ANO6: variants seen among roughly 807,000 people sequenced by gnomAD.
ANO6 encodes anoctamin 6, also known as anoctamin-6.
Under a neutral mutation model 117.5 loss-of-function variants are expected in ANO6, and 106 were observed. That is an observed-to-expected ratio of 0.90 (90% CI 0.77 to 1.06). ANO6 has a LOEUF of 1.06. Among genes scored for constraint, ANO6 ranks in the 50% least tolerant of loss-of-function variants. ANO6 has a pLI of 0.00. For synonymous variants in ANO6, 367 were observed against 385.1 expected, an observed-to-expected ratio of 0.95 and a Z score of 0.55; for missense variants, 955 against 1,121.1, an observed-to-expected ratio of 0.85 and a Z score of 2.12.
intron 1 of ANO6, among the ~76,000 whole-genome samples, chr12:45,229,642 C>T (rs960096175): frequency 4.6e-5 from 7 of 152,128 alleles, no homozygotes; most frequent in Admixed American, 3.3e-4. Context: ...CCTGCCTTGG[C>T]CTCCCAAAGT....
At chr12:45,219,115 T>G (rs1947358386) in intron 1 of ANO6, among the ~76,000 whole-genome samples, 1 of 152,048 alleles carries the variant, frequency 6.6e-6, no homozygotes, top group Non-Finnish European at 1.5e-5. Context: ...TTAGAATTAT[T>G]TTGACACGAG....
At position 45,374,630 on chromosome 12, in the gene ANO6, A is replaced by G. The variant is rs1255208929; in HGVS notation, c.1105-3423A>G. On this transcript the variant is annotated intron_variant, in intron 9 of 19. Transcript: ENST00000320560. ...CATGATTATCTCAATAGATGCAGAA[A>G]AGGCCTTTGACAAAATTCAACAACC... is the stretch of plus-strand genomic sequence containing the variant. 1.2e-4 allele frequency among the ~76,000 whole-genome samples: 15 copies of G among 124,648 alleles called. No homozygotes were observed. The East Asian group carries it at 3.5e-3, about 29-fold the overall frequency. 81.8% of individuals were successfully genotyped at this position (124,648 alleles called of 152,430 possible).
At chr12:45,228,314 T>TA in intron 1 of ANO6, 2 of 306,124 alleles carry the variant, frequency 6.5e-6, no homozygotes, top group African/African-American at 2.5e-5. Context: ...TTTTTTTTTT[T>TA]TTTATTATTA....
At chr12:45,322,432 A>G (rs955519018) in intron 2 of ANO6, among the ~76,000 whole-genome samples, 5 of 152,276 alleles carry the variant, frequency 3.3e-5, no homozygotes, top group African/African-American at 1.2e-4. Context: ...ATGGGGAGTA[A>G]TGGTTTATAA....
At chr12:45,251,102 A>G (rs1947895478) in intron 1 of ANO6, among the ~76,000 whole-genome samples, 1 of 151,910 alleles carries the variant, frequency 6.6e-6, no homozygotes, top group African/African-American at 2.4e-5. Context: ...AAAAACCCAA[A>G]ATAGTGAAAG....
chr12:45,270,535 C>CA (rs772504945), intron 1 of ANO6: 2 of 995,340 alleles, frequency 2.0e-6, no homozygotes, highest in Non-Finnish European at 2.9e-6. Context: ...GTAAGATCCC[C>CA]TTCCTTTGTA....
At chr12:45,326,807 C>G (rs890897367) in intron 2 of ANO6, among the ~76,000 whole-genome samples, 1 of 152,166 alleles carries the variant, frequency 6.6e-6, no homozygotes, top group African/African-American at 2.4e-5. Flanking sequence ...AAATGGATAC[C>G]AGGGTTCACA....
At chr12:45,331,184 G>A in intron 2 of ANO6, 111 bp from the exon 3 acceptor site, 1 of 916,464 alleles carries the variant, frequency 1.1e-6, no homozygotes, top group Non-Finnish European at 1.7e-6. Flanking sequence ...AACTAGTAGT[G>A]GATGTATTTC....
chr12:45,260,253 G>A (rs1276683368), intron 1 of ANO6, among the ~76,000 whole-genome samples: 2 of 152,220 alleles, frequency 1.3e-5, no homozygotes, highest in Admixed American at 6.5e-5. Context: ...AACAGCTGAA[G>A]ATTTCCATTA....
chr12:45,290,788 G>A (rs1433007591), intron 1 of ANO6, among the ~76,000 whole-genome samples: 2 of 152,088 alleles, frequency 1.3e-5, no homozygotes, highest in Admixed American at 6.5e-5. Flanking sequence ...AAATGAAAAA[G>A]CAGATCCACA....
intron 10 of ANO6, among the ~76,000 whole-genome samples, chr12:45,384,689 C>CAATT (rs1942250678): frequency 6.6e-6 from 1 of 152,098 alleles, no homozygotes; most frequent in Admixed American, 6.5e-5. Context: ...TGCCCCAAAA[C>CAATT]AATTACAATA....
rs57682251 is a variant in ANO6, at chr12:45,266,805, AGTGTGTGT to A, written c.71-35178_71-35171del. ...GAACAAGACCCTGTCTCAAAAAACA[AGTGTGTGT>A]GTGTGTGTGTGTGTGTGTGTGTGTG... On this transcript the variant is annotated intron_variant, in intron 1 of 19. Transcript: ENST00000320560. Among the ~76,000 whole-genome samples, 437 of 145,758 alleles carry A rather than the reference AGTGTGTGT, an allele frequency of 3.0e-3. 2 individuals carry two copies. The highest frequency in any genetic ancestry group is 0.014 in the East Asian group (71 of 4,910).
In ANO6 at chr12:45,348,098, T is replaced by C. The variant is rs201883819; in HGVS notation, c.416T>C (p.Ile139Thr). 1.7e-4 allele frequency: 274 copies of C among 1,613,966 alleles called. No individual in the cohort carries two copies. Among genetic ancestry groups the C allele is most frequent in the Non-Finnish European group, 2.3e-4 (267 of 1,179,956 alleles). ...GAGGTGTTATGTACGTATGCTGAGA[T>C]AATGCACATCAAATTGCCTCTGAAA... ...PWEVLCTYAE[I>T]MHIKLPLKPN... The change falls in exon 5 of 20, where the codon ATA becomes ACA. Residue 139 changes from isoleucine (I) to threonine (T), a missense_variant. Ile to Thr is a moderately conservative substitution (Grantham distance 89). Transcript: ENST00000320560.
At chr12:45,356,703 A>T (rs1210387088) in intron 7 of ANO6, among the ~76,000 whole-genome samples, 1 of 152,104 alleles carries the variant, frequency 6.6e-6, no homozygotes, top group Non-Finnish European at 1.5e-5. Context: ...TTGCTGTCTC[A>T]GGGGTGATGG....
chr12:45,394,996 GA>G (rs1770562251), intron 12 of ANO6, among the ~76,000 whole-genome samples: 1 of 152,056 alleles, frequency 6.6e-6, no homozygotes, highest in African/African-American at 2.4e-5. Context: ...ACTAAGAGCA[GA>G]ACTGAAAAAG....
intron 9 of ANO6, among the ~76,000 whole-genome samples, chr12:45,374,941 A>C (rs1232307917): frequency 6.6e-5 from 10 of 151,854 alleles, no homozygotes; most frequent in Admixed American, 2.6e-4. Flanking sequence ...ACATGATTGT[A>C]TATCTAGAAA....
At chr12:45,251,630 G>A (rs1947901799) in intron 1 of ANO6, among the ~76,000 whole-genome samples, 1 of 152,186 alleles carries the variant, frequency 6.6e-6, no homozygotes, top group South Asian at 2.1e-4. Flanking sequence ...GGTCTTCAAA[G>A]ACTTAGCCTT....
intron 10 of ANO6, among the ~76,000 whole-genome samples, 169 bp from the exon 11 acceptor site, chr12:45,387,992 C>T (rs1298288485): frequency 4.6e-5 from 7 of 152,212 alleles, no homozygotes; most frequent in Admixed American, 1.3e-4. Flanking sequence ...CCATGCAGAA[C>T]TGTGAGTCAA....
chr12:45,377,967 C>T, intron 9 of ANO6, 86 bp from the exon 10 acceptor site: 1 of 1,309,106 alleles, frequency 7.6e-7, no homozygotes, highest in Non-Finnish European at 1.1e-6. Flanking sequence ...AACTTCAAGA[C>T]TGTAGAATAG....
Sources: allele counts gnomAD v4.1 joint callset (sites outside exome capture counted in the v4.1 genomes callset), GRCh38; gene constraint gnomAD v4.1.1; transcripts MANE v1.5; gene names NCBI Gene and HGNC (gene_info 2026-07-23, HGNC 2026-07-21).